SNTB1: variants seen among roughly 807,000 people sequenced by gnomAD.
SNTB1 encodes syntrophin beta 1, also known as beta-1-syntrophin.
Under a neutral mutation model 48.9 loss-of-function variants are expected in SNTB1, and 36 were observed. That is an observed-to-expected ratio of 0.74 (90% CI 0.56 to 0.97). The LOEUF is 0.97. SNTB1 is among the 50% of genes least tolerant of loss of function. SNTB1 has a pLI of 0.00. For synonymous variants in SNTB1, 299 were observed against 294.6 expected, an observed-to-expected ratio of 1.01 and a Z score of -0.15; for missense variants, 786 against 703.4, an observed-to-expected ratio of 1.12 and a Z score of -1.33.
rs1245720163 is a variant in SNTB1 at position 120,539,412 on chromosome 8, TTCACAGAG to T, written c.1525-451_1525-444del. On this transcript the variant is annotated intron_variant, in intron 6 of 6. Transcript: ENST00000517992. ...TTAAAATTCTTCTCAGTCCTACTAA[TTCACAGAG>T]TCATTAGAGGGTTAAAGGAGCTACT... 5.3e-5 allele frequency among the ~76,000 whole-genome samples: 8 copies of T among 152,360 alleles called. No homozygotes were observed. In the East Asian group the frequency reaches 1.5e-3, roughly 29 times the overall value.
chr8:120,758,714 T>C (rs1375288302), intron 1 of SNTB1, among the ~76,000 whole-genome samples: 2 of 152,098 alleles, frequency 1.3e-5, no homozygotes, highest in African/African-American at 4.8e-5. Context: ...CCAGAGAGAC[T>C]CAAGGACACT....
chr8:120,760,682 T>TG (rs1819403988), intron 1 of SNTB1, among the ~76,000 whole-genome samples: 1 of 152,086 alleles, frequency 6.6e-6, no homozygotes, highest in East Asian at 1.9e-4. Flanking sequence ...ACCCAGACTG[T>TG]TCTGTTCTCC....
chr8:120,811,246 GCGGC>G, intron 1 of SNTB1, 23 bp downstream of exon 1: 1 of 1,552,626 alleles, frequency 6.4e-7, no homozygotes, highest in East Asian at 2.3e-5. Context: ...CGCGCCCGGC[GCGGC>G]CCGCGCGCTG....
At position 120,538,729 on chromosome 8, in the gene SNTB1, T is replaced by A; in HGVS notation, c.*148A>T. On this transcript the variant is annotated 3_prime_UTR_variant, in exon 7 of 7. Coordinates refer to ENST00000517992, the MANE Select transcript of SNTB1 (RefSeq NM_021021.4). ...GTAGTTGCTGAAACTGACAGAGGAGTCTGGGACAGTTACATACGACTCTTG... is the reference window on the plus strand; with the variant it reads ...GTAGTTGCTGAAACTGACAGAGGAGACTGGGACAGTTACATACGACTCTTG... 1.4e-6 allele frequency: 1 copy of A among 729,828 alleles called. No individual in the cohort carries two copies. Among genetic ancestry groups the A allele is most frequent in the Admixed American group, 2.0e-5 (1 of 50,924 alleles). 45.2% of individuals were successfully genotyped at this position (729,828 alleles called of 1,614,324 possible). A position where few individuals can be genotyped will look rare whatever the true frequency, so the allele number is the denominator to read the frequency against.
intron 1 of SNTB1, among the ~76,000 whole-genome samples, chr8:120,738,884 T>C (rs1818996725): frequency 6.6e-6 from 1 of 152,216 alleles, no homozygotes; most frequent in Admixed American, 6.5e-5. Flanking sequence ...AATTCCTGAC[T>C]CTATTCTCTG....
intron 2 of SNTB1, among the ~76,000 whole-genome samples, chr8:120,692,867 T>C (rs1818151803): frequency 6.6e-6 from 1 of 152,212 alleles, no homozygotes; most frequent in Admixed American, 6.5e-5. Flanking sequence ...TTTCCTGTAC[T>C]GAGCACCTTA....
chr8:120,569,004 T>TA (rs769100957), intron 4 of SNTB1, among the ~76,000 whole-genome samples: 2 of 152,176 alleles, frequency 1.3e-5, no homozygotes, highest in Non-Finnish European at 2.9e-5. Flanking sequence ...GTTTTTGAGA[T>TA]AGAGTCTTGC....
intron 2 of SNTB1, among the ~76,000 whole-genome samples, chr8:120,666,144 G>A (rs1428243837): frequency 6.6e-6 from 1 of 152,178 alleles, no homozygotes; most frequent in Non-Finnish European, 1.5e-5. Flanking sequence ...ACAAATCAAT[G>A]AGGAAAGTGT....
chr8:120,780,683 G>A (rs1819817436), intron 1 of SNTB1, among the ~76,000 whole-genome samples: 1 of 152,146 alleles, frequency 6.6e-6, no homozygotes, highest in Admixed American at 6.6e-5. Flanking sequence ...TCTGGAAGGG[G>A]AAAGCTGCAA....
Position 120,561,512 on chromosome 8 carries a change from A to G in SNTB1, c.1137-12554T>C, listed in dbSNP as rs114145964. On this transcript the variant is annotated intron_variant, in intron 4 of 6. Coordinates refer to ENST00000517992, the MANE Select transcript of SNTB1 (RefSeq NM_021021.4). ...AACATCTTGGGAAATTTTTCCTTTG[A>G]AGTTAACTTTTTTTTAATTATTTAG... 4.7e-3 allele frequency among the ~76,000 whole-genome samples: 721 copies of G among 152,108 alleles called. 5 individuals are homozygous for G. Among genetic ancestry groups the G allele is most frequent in the African/African-American group, 0.017 (693 of 41,494 alleles).
Position 120,560,319 on chromosome 8 carries a change from C to T in SNTB1, c.1137-11361G>A, listed in dbSNP as rs1474329320. Among the ~76,000 whole-genome samples the T allele has an allele frequency of 2.0e-5, 3 of 152,230 alleles. No individual in the cohort carries two copies. In the East Asian group the frequency reaches 5.8e-4, roughly 29 times the overall value. The stretch of plus-strand genomic sequence containing the variant: ...CCAACATGGCGAAACCCTGTCTCTA[C>T]TAAAAATACAAAAATTAGTCAGGCT... On this transcript the variant is annotated intron_variant, in intron 4 of 6. Coordinates refer to ENST00000517992, the MANE Select transcript of SNTB1 (RefSeq NM_021021.4).
chr8:120,705,581 G>A (rs1818367145), intron 1 of SNTB1, among the ~76,000 whole-genome samples: 1 of 152,150 alleles, frequency 6.6e-6, no homozygotes, highest in African/African-American at 2.4e-5. Flanking sequence ...AACTGGATGA[G>A]CTATCTCCCA....
chr8:120,646,137 CT>C (rs1302973611), intron 2 of SNTB1, among the ~76,000 whole-genome samples: 2 of 139,230 alleles, frequency 1.4e-5, no homozygotes, highest in Non-Finnish European at 3.1e-5. Context: ...TCCTCTTTTC[CT>C]AATTGAATAC....
chr8:120,628,577 CA>C (rs1243639463), intron 3 of SNTB1, among the ~76,000 whole-genome samples: 3 of 152,072 alleles, frequency 2.0e-5, no homozygotes, highest in Non-Finnish European at 4.4e-5. Context: ...GCCAACAGAG[CA>C]AAACCCCATC....
intron 3 of SNTB1, among the ~76,000 whole-genome samples, chr8:120,586,847 A>G (rs1372996639): frequency 6.6e-6 from 1 of 152,188 alleles, no homozygotes; most frequent in Non-Finnish European, 1.5e-5. Flanking sequence ...AAATGGGGGA[A>G]AGAAGGTAGA....
Position 120,765,031 on chromosome 8 carries a change from G to C in SNTB1, c.571+46242C>G, listed in dbSNP as rs1185615311. Among the ~76,000 whole-genome samples the C allele has an allele frequency of 2.0e-5, 3 of 152,082 alleles. No individual in the cohort carries two copies. In the East Asian group the frequency reaches 5.8e-4, roughly 29 times the overall value. ...ACCTGAGGTCAGGAGTTTGAGACCA[G>C]CCTGACCAACAAGGTGAAACCCCAT... On this transcript the variant is annotated intron_variant, in intron 1 of 6. Coordinates refer to ENST00000517992, the MANE Select transcript of SNTB1 (RefSeq NM_021021.4).
Position 120,538,668 on chromosome 8 carries a change from T to C in SNTB1, c.*209A>G, listed in dbSNP as rs534068293. ...TGTACTGTTCTAGAAAGTTTTACTC[T>C]GATATTTCTCATGGTACTTTCGCAG... On this transcript the variant is annotated 3_prime_UTR_variant, in exon 7 of 7. Coordinates refer to ENST00000517992, the MANE Select transcript of SNTB1 (RefSeq NM_021021.4). The C allele has an allele frequency of 1.9e-5, 12 of 635,528 alleles. No individual in the cohort carries two copies. The African/African-American group carries it at 2.2e-4, about 11-fold the overall frequency. 39.4% of individuals were successfully genotyped at this position (635,528 alleles called of 1,614,324 possible).
intron 2 of SNTB1, among the ~76,000 whole-genome samples, chr8:120,682,439 A>C (rs1817946681): frequency 6.6e-6 from 1 of 152,212 alleles, no homozygotes; most frequent in Non-Finnish European, 1.5e-5. Flanking sequence ...AAAATAATAC[A>C]ACCATTTAGT....
intron 3 of SNTB1, among the ~76,000 whole-genome samples, chr8:120,604,602 C>A (rs1038881070): frequency 6.6e-6 from 1 of 151,992 alleles, no homozygotes; most frequent in Non-Finnish European, 1.5e-5. Flanking sequence ...AGGTGCGCAC[C>A]ACCATGCCCA....
Sources: gnomAD v4.1 joint callset for allele counts (sites outside exome capture counted in the v4.1 genomes callset) on GRCh38, gnomAD v4.1.1 for gene constraint, MANE v1.5 for transcripts, NCBI Gene and HGNC (gene_info 2026-07-23, HGNC 2026-07-21) for gene names.